Variants in HECTD2 observed in about 807,000 individuals in gnomAD.
HECTD2 encodes the protein HECT domain E3 ubiquitin protein ligase 2.
A neutral mutation model predicts 103.2 loss-of-function variants in HECTD2; 35 were observed. The observed-to-expected ratio is 0.34, with a 90% confidence interval of 0.26 to 0.45. HECTD2 has a LOEUF of 0.45. Ranked by LOEUF, HECTD2 falls within the 20% of genes least tolerant of loss-of-function variation. The probability of loss-of-function intolerance (pLI) is 1.00; values close to 1 mark genes in which losing one functional copy is unlikely to be tolerated. For synonymous variants in HECTD2, 281 were observed against 329.9 expected, an observed-to-expected ratio of 0.85 and a Z score of 1.61; for missense variants, 596 against 937.4, an observed-to-expected ratio of 0.64 and a Z score of 4.76.
intron 20 of HECTD2, among the ~76,000 whole-genome samples, chr10:91,507,459 C>G (rs1042873524): frequency 1.3e-5 from 2 of 152,220 alleles, no homozygotes; most frequent in Non-Finnish European, 2.9e-5. Flanking sequence ...GCAAAAATCA[C>G]AAGCATTCTT....
intron 1 of HECTD2, among the ~76,000 whole-genome samples, chr10:91,413,143 G>C (rs1401771635): frequency 6.6e-6 from 1 of 151,898 alleles, no homozygotes; most frequent in African/African-American, 2.4e-5. Context: ...ATTTATAAAT[G>C]AATATATATG....
intron 5 of HECTD2, among the ~76,000 whole-genome samples, chr10:91,476,596 C>T (rs1242375468): frequency 6.6e-6 from 1 of 152,174 alleles, no homozygotes; most frequent in African/African-American, 2.4e-5. Context: ...ATGCCACCAC[C>T]GCAGGCATCC....
intron 12 of HECTD2, among the ~76,000 whole-genome samples, chr10:91,491,726 A>G (rs113454180): frequency 5.3e-5 from 8 of 152,348 alleles, no homozygotes; most frequent in African/African-American, 1.9e-4. Flanking sequence ...TATTGGGTCT[A>G]TACAGGTTCT....
At chr10:91,491,779 C>G (rs1453123206) in intron 12 of HECTD2, among the ~76,000 whole-genome samples, 1 of 152,124 alleles carries the variant, frequency 6.6e-6, no homozygotes, top group Non-Finnish European at 1.5e-5. Flanking sequence ...ATAAAAAATG[C>G]TTCAGCTAGA....
Position 91,512,273 on chromosome 10 carries a change from G to A in HECTD2, c.2220G>A (p.Val740=), listed in dbSNP as rs780274779. Residue 740 remains valine (V), a synonymous_variant, in exon 21 of 21, where the codon GTG becomes GTA. Coordinates refer to ENST00000298068, the MANE Select transcript of HECTD2 (RefSeq NM_182765.6). The stretch of plus-strand genomic sequence containing the variant: ...TAATTTTTTTCCCTAGCTTACCTGT[G>A]GCCCATACCTGCTTCAATCAACTTT... The part of the protein sequence containing the change: ...KNETSTNCLP[V]AHTCFNQLCL... 5.6e-6 allele frequency: 9 copies of A among 1,611,588 alleles called. No homozygotes were observed. Among genetic ancestry groups the A allele is most frequent in the Non-Finnish European group, 6.8e-6 (8 of 1,178,754 alleles).
intron 1 of HECTD2, among the ~76,000 whole-genome samples, chr10:91,415,932 G>A (rs572959079): frequency 8.3e-4 from 127 of 152,256 alleles, no homozygotes; most frequent in Non-Finnish European, 1.6e-3. Context: ...GGAGGGCTAT[G>A]GCTTTATAAA....
At chr10:91,470,508 G>T (rs1412656173) in intron 5 of HECTD2, among the ~76,000 whole-genome samples, 2 of 152,054 alleles carry the variant, frequency 1.3e-5, no homozygotes, top group African/African-American at 4.8e-5. Context: ...AAACTAATGA[G>T]AACAAAGATA....
At chr10:91,476,086 G>C (rs1055759568) in intron 5 of HECTD2, among the ~76,000 whole-genome samples, 3 of 152,220 alleles carry the variant, frequency 2.0e-5, no homozygotes, top group Non-Finnish European at 2.9e-5. Flanking sequence ...GCAAATCAGT[G>C]CCAGTGATGT....
chr10:91,504,254 G>A (rs1847044430), intron 20 of HECTD2, among the ~76,000 whole-genome samples: 1 of 152,242 alleles, frequency 6.6e-6, no homozygotes, highest in Admixed American at 6.5e-5. Context: ...CTCCTCACCA[G>A]CAACAGAACA....
intron 2 of HECTD2, among the ~76,000 whole-genome samples, chr10:91,445,687 G>C (rs953336952): frequency 2.0e-5 from 3 of 152,108 alleles, no homozygotes; most frequent in African/African-American, 7.2e-5. Flanking sequence ...GAGGTACCCA[G>C]CTCATCTCAC....
chr10:91,490,471 G>A (rs1473940435), intron 11 of HECTD2, among the ~76,000 whole-genome samples: 3 of 152,026 alleles, frequency 2.0e-5, no homozygotes, highest in Admixed American at 6.5e-5. Context: ...TAGACTAATT[G>A]TACCTTTAAA....
At chr10:91,411,063 C>T (rs191729015) in intron 1 of HECTD2, among the ~76,000 whole-genome samples, 4 of 152,262 alleles carry the variant, frequency 2.6e-5, no homozygotes, top group African/African-American at 2.4e-5. Context: ...TTAATTGTGA[C>T]CTTTCCGTTG....
chr10:91,433,004 G>A (rs926181539), intron 2 of HECTD2, among the ~76,000 whole-genome samples: 1 of 151,976 alleles, frequency 6.6e-6, no homozygotes, highest in East Asian at 1.9e-4. Context: ...AAGAAGCATA[G>A]CACAGGGCTT....
intron 2 of HECTD2, among the ~76,000 whole-genome samples, chr10:91,433,934 C>G (rs1261653415): frequency 6.6e-6 from 1 of 151,866 alleles, no homozygotes; most frequent in South Asian, 2.1e-4. Flanking sequence ...TAAGGTATGT[C>G]CAGATTAAGA....
chr10:91,500,436 A>G (rs1195727583), intron 18 of HECTD2, 66 bp from the exon 19 acceptor site: 3 of 784,784 alleles, frequency 3.8e-6, no homozygotes, highest in Non-Finnish European at 6.7e-6. Context: ...TCCAGTGAAA[A>G]TAGTTCCAGT....
intron 20 of HECTD2, among the ~76,000 whole-genome samples, chr10:91,503,252 A>T (rs555878122): frequency 6.6e-6 from 1 of 152,316 alleles, no homozygotes; most frequent in South Asian, 2.1e-4. Context: ...TTATATTAAA[A>T]AGTCAAAAAA....
At chr10:91,498,323 C>A in intron 16 of HECTD2, 141 bp downstream of exon 16, 1 of 608,028 alleles carries the variant, frequency 1.6e-6, no homozygotes, top group Non-Finnish European at 2.9e-6. Flanking sequence ...AGGACCTTAA[C>A]CTGATAAAGT....
chr10:91,494,732 G>A (rs146922444), intron 14 of HECTD2, among the ~76,000 whole-genome samples: 21 of 152,084 alleles, frequency 1.4e-4, no homozygotes, highest in African/African-American at 4.3e-4. Context: ...AGTATCTGCA[G>A]TAATCATTTG....
At chr10:91,467,803 C>T (rs1845583641) in intron 5 of HECTD2, among the ~76,000 whole-genome samples, 1 of 152,168 alleles carries the variant, frequency 6.6e-6, no homozygotes, top group Non-Finnish European at 1.5e-5. Context: ...TACATGCTTG[C>T]TGCCCCCACT....
Sources: allele counts gnomAD v4.1 joint callset (sites outside exome capture counted in the v4.1 genomes callset), GRCh38; gene constraint gnomAD v4.1.1; transcripts MANE v1.5; gene names NCBI Gene and HGNC (gene_info 2026-07-23, HGNC 2026-07-21).